CCSER1: variants seen among roughly 807,000 people sequenced by gnomAD.
CCSER1 encodes the protein serine-rich coiled-coil domain-containing protein 1.
Under a neutral mutation model 82.0 loss-of-function variants are expected in CCSER1, and 41 were observed. The ratio of observed to expected loss-of-function variants is 0.50; its 90% CI spans 0.39 to 0.65. The LOEUF (loss-of-function observed/expected upper bound fraction) is 0.65. Among genes scored for constraint, CCSER1 ranks in the 30% least tolerant of loss-of-function variants. The pLI, the probability that CCSER1 is intolerant of heterozygous loss-of-function variation, is 0.00. For synonymous variants in CCSER1, 414 were observed against 383.9 expected (o/e 1.08, Z -0.92); for missense variants, 1,119 against 1,064.2 (o/e 1.05, Z -0.72).
intron 8 of CCSER1, among the ~76,000 whole-genome samples, chr4:90,917,173 C>G (rs893850649): frequency 8.5e-5 from 13 of 152,108 alleles, no homozygotes; most frequent in African/African-American, 2.4e-4. Context: ...GGGTATATAC[C>G]CAAAGGATTA....
intron 10 of CCSER1, among the ~76,000 whole-genome samples, chr4:91,538,990 G>C (rs1281200500): frequency 1.3e-5 from 2 of 151,962 alleles, no homozygotes; most frequent in Non-Finnish European, 2.9e-5. Context: ...CAGCCCAGCT[G>C]AATGACAGCA....
intron 10 of CCSER1, among the ~76,000 whole-genome samples, chr4:91,568,439 G>C (rs1036718465): frequency 6.6e-6 from 1 of 152,090 alleles, no homozygotes; most frequent in Non-Finnish European, 1.5e-5. Flanking sequence ...CCTGAATTAT[G>C]TTTTCCAAGT....
intron 10 of CCSER1, among the ~76,000 whole-genome samples, chr4:91,179,232 A>C (rs1269226424): frequency 6.6e-6 from 1 of 152,076 alleles, no homozygotes; most frequent in Non-Finnish European, 1.5e-5. Flanking sequence ...GCTGCCCTTA[A>C]AATTTTTTCC....
chr4:90,817,099 A>G (rs1339230211), intron 8 of CCSER1, among the ~76,000 whole-genome samples: 1 of 152,150 alleles, frequency 6.6e-6, no homozygotes, highest in African/African-American at 2.4e-5. Flanking sequence ...AATTTTATAT[A>G]TTACATAATG....
At chr4:91,129,327 T>C (rs894507778) in intron 10 of CCSER1, among the ~76,000 whole-genome samples, 47 of 152,014 alleles carry the variant, frequency 3.1e-4, no homozygotes, top group Non-Finnish European at 1.3e-4. Context: ...GAATCATGAT[T>C]CCTAGAATCC....
chr4:91,242,512 T>G (rs1739450785), intron 10 of CCSER1, among the ~76,000 whole-genome samples: 1 of 152,160 alleles, frequency 6.6e-6, no homozygotes. Context: ...GGATTATAAG[T>G]ATAAATGTAA....
At chr4:90,661,801 A>G (rs938848543) in intron 6 of CCSER1, among the ~76,000 whole-genome samples, 1 of 152,168 alleles carries the variant, frequency 6.6e-6, no homozygotes, top group African/African-American at 2.4e-5. Context: ...GTTTAGTAAC[A>G]TGAAATTAAA....
At chr4:90,203,144 T>C (rs952562655) in intron 1 of CCSER1, among the ~76,000 whole-genome samples, 3 of 152,208 alleles carry the variant, frequency 2.0e-5, no homozygotes, top group Admixed American at 2.0e-4. Context: ...TCATGATTTG[T>C]CACATGAGTC....
intron 5 of CCSER1, among the ~76,000 whole-genome samples, chr4:90,492,579 C>A (rs140750258): frequency 0.027 from 4,036 of 152,158 alleles, 190 homozygotes; most frequent in African/African-American, 0.092. Context: ...TGTGTTTACT[C>A]TTGCTTCTCT....
intron 8 of CCSER1, among the ~76,000 whole-genome samples, chr4:90,889,883 G>A (rs777639919): frequency 2.0e-5 from 3 of 152,004 alleles, no homozygotes; most frequent in Admixed American, 6.6e-5. Flanking sequence ...GACAGTATGG[G>A]TAGCACAATA....
intron 10 of CCSER1, among the ~76,000 whole-genome samples, chr4:91,521,272 T>A (rs938802308): frequency 6.6e-6 from 1 of 152,230 alleles, no homozygotes; most frequent in African/African-American, 2.4e-5. Context: ...ATTAATCCAG[T>A]CTATCATTGA....
chr4:90,347,009 AT>A, intron 3 of CCSER1, among the ~76,000 whole-genome samples: 1 of 152,202 alleles, frequency 6.6e-6, no homozygotes, highest in Middle Eastern at 3.4e-3. Context: ...ATGCAGGTGA[AT>A]TCAATATGGA....
intron 9 of CCSER1, among the ~76,000 whole-genome samples, chr4:90,999,787 T>G (rs573666246): frequency 6.7e-6 from 1 of 150,368 alleles, no homozygotes; most frequent in South Asian, 2.1e-4. Flanking sequence ...TTTTCTTATT[T>G]GTTTTTGTTT....
chr4:91,356,464 A>G (rs1259627662), intron 10 of CCSER1, among the ~76,000 whole-genome samples: 1 of 152,222 alleles, frequency 6.6e-6, no homozygotes, highest in Non-Finnish European at 1.5e-5. Flanking sequence ...TGGGGCTCCA[A>G]TTGCATCTAA....
At chr4:90,207,391 C>T (rs1281470617) in intron 1 of CCSER1, among the ~76,000 whole-genome samples, 4 of 152,104 alleles carry the variant, frequency 2.6e-5, no homozygotes, top group African/African-American at 7.2e-5. Flanking sequence ...TTAGCAATTC[C>T]TCTAACCTTT....
intron 9 of CCSER1, among the ~76,000 whole-genome samples, chr4:90,929,923 G>A (rs974501641): frequency 6.6e-6 from 1 of 152,082 alleles, no homozygotes; most frequent in Admixed American, 6.5e-5. Context: ...GTGTTAATTT[G>A]TTTGATTTAA....
At position 91,050,507 on chromosome 4, in the gene CCSER1, GTACT is replaced by G. The variant is rs564785285; in HGVS notation, c.2173-35439_2173-35436del. On this transcript the variant is annotated intron_variant, in intron 9 of 10. Coordinates refer to ENST00000509176, the MANE Select transcript of CCSER1 (RefSeq NM_001145065.2). ...AAATGGTTTAACTCCATTTAAAATA[GTACT>G]TACACTGAAATAATGCCTTTCCGTG... Among the ~76,000 whole-genome samples, 4 of 151,532 alleles carry G rather than the reference GTACT, an allele frequency of 2.6e-5. No homozygotes were observed. The South Asian group carries it at 6.3e-4, about 24-fold the overall frequency.
intron 6 of CCSER1, among the ~76,000 whole-genome samples, chr4:90,686,220 C>G (rs1305218028): frequency 1.3e-5 from 2 of 152,204 alleles, no homozygotes; most frequent in African/African-American, 4.8e-5. Flanking sequence ...TCATCCACCC[C>G]TCTCTCTCGA....
chr4:91,372,595 T>C (rs866403768), intron 10 of CCSER1, among the ~76,000 whole-genome samples: 39 of 152,142 alleles, frequency 2.6e-4, no homozygotes, highest in South Asian at 6.2e-4. Flanking sequence ...TCTAAATAGA[T>C]ATGCTATGGT....
Sources: gnomAD v4.1 joint callset for allele counts (sites outside exome capture counted in the v4.1 genomes callset) on GRCh38, gnomAD v4.1.1 for gene constraint, MANE v1.5 for transcripts, NCBI Gene and HGNC (gene_info 2026-07-23, HGNC 2026-07-21) for gene names.